EBF2: variants seen among roughly 807,000 people sequenced by gnomAD.
EBF2 encodes the protein transcription factor COE2.
EBF2 carries 21 observed loss-of-function variants against 72.8 expected under a neutral mutation model. The ratio of observed to expected loss-of-function variants is 0.29; its 90% confidence interval spans 0.20 to 0.42. The LOEUF is 0.42. EBF2 is among the 10% of genes least tolerant of loss of function. The pLI is 1.00. For missense variants in EBF2, 637 were observed against 731.2 expected, an observed-to-expected ratio of 0.87 and a Z score of 1.49; for synonymous variants, 299 against 274.2, an observed-to-expected ratio of 1.09 and a Z score of -0.89.
intron 6 of EBF2, among the ~76,000 whole-genome samples, chr8:25,949,488 T>C (rs1171410601): frequency 2.0e-5 from 3 of 152,090 alleles, no homozygotes; most frequent in African/African-American, 7.2e-5. Flanking sequence ...TTACAAGAGG[T>C]GCGCCCTGAT....
At chr8:25,867,253 T>C (rs1387760285) in intron 10 of EBF2, among the ~76,000 whole-genome samples, 1 of 152,228 alleles carries the variant, frequency 6.6e-6, no homozygotes, top group Non-Finnish European at 1.5e-5. Context: ...GAAAACTATA[T>C]TGAGAAGTTT....
At chr8:25,986,601 C>T (rs1403392080) in intron 6 of EBF2, among the ~76,000 whole-genome samples, 1 of 152,116 alleles carries the variant, frequency 6.6e-6, no homozygotes, top group Non-Finnish European at 1.5e-5. Context: ...ATTTTTATGT[C>T]AACCTTTATT....
At chr8:26,013,337 C>T (rs188697039) in intron 6 of EBF2, among the ~76,000 whole-genome samples, 2 of 152,286 alleles carry the variant, frequency 1.3e-5, no homozygotes, top group African/African-American at 4.8e-5. Context: ...CCTGCTTCTC[C>T]CACTGACACT....
intron 7 of EBF2, among the ~76,000 whole-genome samples, chr8:25,897,860 T>C (rs1802884277): frequency 6.6e-6 from 1 of 152,200 alleles, no homozygotes; most frequent in African/African-American, 2.4e-5. Context: ...CAATTTCCTT[T>C]CCTTTGAGTA....
chr8:26,038,461 G>A (rs1019422608), intron 5 of EBF2, among the ~76,000 whole-genome samples: 1 of 152,040 alleles, frequency 6.6e-6, no homozygotes, highest in Non-Finnish European at 1.5e-5. Flanking sequence ...AGCTGGATGG[G>A]GCATGCAAGT....
intron 11 of EBF2, among the ~76,000 whole-genome samples, chr8:25,861,729 C>T (rs2117262980): frequency 6.6e-6 from 1 of 152,332 alleles, no homozygotes; most frequent in East Asian, 1.9e-4. Context: ...CTCTAATTAA[C>T]CAAATATTCT....
At chr8:25,965,502 A>G (rs1804100909) in intron 6 of EBF2, among the ~76,000 whole-genome samples, 1 of 152,190 alleles carries the variant, frequency 6.6e-6, no homozygotes, top group African/African-American at 2.4e-5. Context: ...TCAGTTGCCA[A>G]AAATAATATA....
intron 6 of EBF2, among the ~76,000 whole-genome samples, chr8:25,949,340 C>A (rs1472616075): frequency 6.6e-6 from 1 of 152,076 alleles, no homozygotes; most frequent in Non-Finnish European, 1.5e-5. Context: ...CTAAAAGTAC[C>A]CCCATAATCA....
chr8:25,958,789 G>A (rs1803989514), intron 6 of EBF2, among the ~76,000 whole-genome samples: 2 of 152,176 alleles, frequency 1.3e-5, no homozygotes, highest in Non-Finnish European at 2.9e-5. Context: ...CTCCCTGAGT[G>A]TTTACACTAA....
chr8:25,859,309 G>T (rs1802163467), intron 13 of EBF2, among the ~76,000 whole-genome samples: 1 of 152,174 alleles, frequency 6.6e-6, no homozygotes. Context: ...CTTTTGGCGG[G>T]GCCTGGAGGG....
rs139894593 is a variant in EBF2, at chr8:25,893,124, C to T, written c.634-3255G>A. 5.4e-4 allele frequency among the ~76,000 whole-genome samples: 82 copies of T among 152,096 alleles called. No individual in the cohort carries two copies. In the East Asian group the frequency reaches 0.013, roughly 24 times the overall value. On this transcript the variant is annotated intron_variant, in intron 7 of 15. Transcript: ENST00000520164. ...CATGAAGATTGTATTGCCTACCCCC[C>T]GAAAATAATAGGAGAAGAGAGAGAA...
chr8:25,865,626 C>T (rs1205880726), intron 10 of EBF2, among the ~76,000 whole-genome samples: 1 of 151,866 alleles, frequency 6.6e-6, no homozygotes, highest in Non-Finnish European at 1.5e-5. Context: ...AGGGTTTCAC[C>T]CTGTTGCCCA....
intron 15 of EBF2, 104 bp downstream of exon 15, chr8:25,850,490 T>A (rs1801941335): frequency 1.5e-6 from 2 of 1,295,312 alleles, no homozygotes; most frequent in African/African-American, 1.6e-5. Flanking sequence ...GCAAAGCATC[T>A]CTTTGCAGGT....
chr8:25,872,040 A>C (rs193033450), intron 10 of EBF2, among the ~76,000 whole-genome samples: 1 of 151,768 alleles, frequency 6.6e-6, no homozygotes, highest in African/African-American at 2.4e-5. Context: ...TATGGTTTTA[A>C]TTTTCTTTCC....
In EBF2 at chr8:25,908,362, T is replaced by G. The variant is rs1389436440; in HGVS notation, c.633+112A>C. 8 of 749,848 alleles carry G rather than the reference T, an allele frequency of 1.1e-5. No homozygotes were observed. The Admixed American group carries it at 1.9e-4, about 18-fold the overall frequency. 46.4% of individuals were successfully genotyped at this position (749,848 alleles called of 1,614,324 possible). ...TCGTTTACCATTGTCTTTTTTATTGTTAGGAGTAGCAGTGAATAGTAATTT... is the reference window on the plus strand; with the variant it reads ...TCGTTTACCATTGTCTTTTTTATTGGTAGGAGTAGCAGTGAATAGTAATTT... On this transcript the variant is annotated intron_variant, in intron 7 of 15. Transcript: ENST00000520164.
At chr8:25,916,195 A>G (rs995753193) in intron 6 of EBF2, among the ~76,000 whole-genome samples, 11 of 151,228 alleles carry the variant, frequency 7.3e-5, no homozygotes, top group African/African-American at 2.4e-4. Context: ...CTGAGACACG[A>G]GAATCACTTG....
intron 6 of EBF2, among the ~76,000 whole-genome samples, chr8:25,914,666 G>T (rs925747103): frequency 1.2e-4 from 19 of 152,212 alleles, no homozygotes; most frequent in Admixed American, 2.0e-4. Flanking sequence ...AGCCCAAGAA[G>T]ATTCAAGGAA....
chr8:25,918,210 G>A (rs1429921603), intron 6 of EBF2, among the ~76,000 whole-genome samples: 2 of 152,174 alleles, frequency 1.3e-5, no homozygotes, highest in East Asian at 1.9e-4. Flanking sequence ...TCTACCTATC[G>A]CAACTATGGG....
chr8:25,969,867 A>G (rs1422135364), intron 6 of EBF2, among the ~76,000 whole-genome samples: 1 of 152,172 alleles, frequency 6.6e-6, no homozygotes, highest in Non-Finnish European at 1.5e-5. Flanking sequence ...ACCGTGCCTG[A>G]CAGCAATATC....
Sources: gnomAD v4.1 joint callset for allele counts (sites outside exome capture counted in the v4.1 genomes callset) on GRCh38, gnomAD v4.1.1 for gene constraint, MANE v1.5 for transcripts, NCBI Gene and HGNC (gene_info 2026-07-23, HGNC 2026-07-21) for gene names.